Variants in HDAC9 observed in about 807,000 individuals in gnomAD.
The protein encoded by HDAC9 is MEF-2 interacting transcription repressor (MITR) protein.
In HDAC9, 41 loss-of-function variants were observed where a neutral mutation model predicts 139.4. The ratio of observed to expected loss-of-function variants is 0.29; its 90% CI spans 0.23 to 0.38. The LOEUF (loss-of-function observed/expected upper bound fraction) is 0.38. Ranked by LOEUF, HDAC9 falls within the 10% of genes least tolerant of loss-of-function variation. HDAC9 has a pLI of 1.00. For missense variants in HDAC9, 1,147 were observed against 1,297.0 expected (o/e 0.88, Z 1.78); for synonymous variants, 517 against 476.2 (o/e 1.09, Z -1.12).
intron 23 of HDAC9, among the ~76,000 whole-genome samples, chr7:18,951,212 G>A (rs377730306): frequency 5.9e-5 from 9 of 151,920 alleles, no homozygotes; most frequent in African/African-American, 1.9e-4. Context: ...CAATTTTATG[G>A]TGTTTTAAAA....
At chr7:18,460,391 A>C (rs1309007225) in intron 1 of HDAC9, among the ~76,000 whole-genome samples, 1 of 152,144 alleles carries the variant, frequency 6.6e-6, no homozygotes, top group African/African-American at 2.4e-5. Context: ...ATTATATAAA[A>C]TTTTGTAGAA....
At chr7:18,339,790 G>A (rs1316046411) in intron 1 of HDAC9, among the ~76,000 whole-genome samples, 4 of 151,444 alleles carry the variant, frequency 2.6e-5, no homozygotes, top group African/African-American at 7.3e-5. Context: ...TTCTTGAGAT[G>A]TGTTATTGCA....
At chr7:18,299,039 A>C (rs1798345664) in intron 1 of HDAC9, among the ~76,000 whole-genome samples, 1 of 152,170 alleles carries the variant, frequency 6.6e-6, no homozygotes, top group African/African-American at 2.4e-5. Flanking sequence ...CAAATGAATA[A>C]AGATATTTAT....
At position 18,409,308 on chromosome 7, in the gene HDAC9, C is replaced by A. The variant is rs1788322873; in HGVS notation, c.-41-86954C>A. On this transcript the variant is annotated intron_variant, in intron 1 of 3. Coordinates refer to the HDAC9 transcript ENST00000413509. The stretch of plus-strand genomic sequence containing the variant: ...GTAAGTTCCTGTGCTAGTAATATAT[C>A]ATAAAAGTGTGTATTTCATGTGCCT... Among the ~76,000 whole-genome samples the A allele has an allele frequency of 7.9e-5, 12 of 152,174 alleles. No homozygotes were observed. In the South Asian group the frequency reaches 2.5e-3, roughly 32 times the overall value.
intron 2 of HDAC9, among the ~76,000 whole-genome samples, chr7:18,572,313 A>T (rs78437404): frequency 0.029 from 4,315 of 150,732 alleles, 139 homozygotes; most frequent in African/African-American, 0.084. Context: ...TCATATTCAT[A>T]AATATGTCAT....
intron 24 of HDAC9, among the ~76,000 whole-genome samples, chr7:18,963,250 A>T (rs766160572): frequency 1.3e-5 from 2 of 152,216 alleles, no homozygotes; most frequent in African/African-American, 2.4e-5. Flanking sequence ...TCAGTGCTAT[A>T]ATGCACAAGA....
At chr7:18,821,618 G>A in intron 17 of HDAC9, among the ~76,000 whole-genome samples, 1 of 152,200 alleles carries the variant, frequency 6.6e-6, no homozygotes, top group East Asian at 1.9e-4. Context: ...CCATATGTAT[G>A]TGTTTTTTCC....
chr7:18,451,430 TG>T (rs1217565982), intron 1 of HDAC9, among the ~76,000 whole-genome samples: 1 of 139,228 alleles, frequency 7.2e-6, no homozygotes, highest in African/African-American at 3.0e-5. Context: ...TGTATATATA[TG>T]TGTGTGTGTG....
intron 16 of HDAC9, among the ~76,000 whole-genome samples, chr7:18,779,840 C>G (rs79707712): frequency 0.031 from 4,686 of 152,056 alleles, 77 homozygotes; most frequent in Middle Eastern, 0.041. Flanking sequence ...ACCCTGAGGT[C>G]TCCACCTGAC....
chr7:18,217,977 C>G (rs1792431632), intron 2 of HDAC9, among the ~76,000 whole-genome samples: 1 of 152,034 alleles, frequency 6.6e-6, no homozygotes, highest in Admixed American at 6.6e-5. Flanking sequence ...GCTGGAGGAC[C>G]CATTTCAAAA....
chr7:18,991,784 CAAAT>C (rs1271270411), intron 25 of HDAC9, among the ~76,000 whole-genome samples: 1 of 152,112 alleles, frequency 6.6e-6, no homozygotes, highest in Non-Finnish European at 1.5e-5. Flanking sequence ...GATTAGTTAT[CAAAT>C]AAATGCAAAT....
chr7:18,737,104 G>A (rs781233073), intron 13 of HDAC9, among the ~76,000 whole-genome samples: 15 of 151,816 alleles, frequency 9.9e-5, no homozygotes, highest in African/African-American at 2.7e-4. Flanking sequence ...TTTTTATTGC[G>A]TCTATTTGAT....
chr7:18,554,436 C>T (rs899458778), intron 2 of HDAC9, among the ~76,000 whole-genome samples: 4 of 150,268 alleles, frequency 2.7e-5, no homozygotes, highest in South Asian at 2.1e-4. Flanking sequence ...CCTGGGTTCA[C>T]GCCATTCTCC....
At chr7:18,164,316 TCTC>T (rs1382096814) in intron 2 of HDAC9, among the ~76,000 whole-genome samples, 1 of 152,168 alleles carries the variant, frequency 6.6e-6, no homozygotes, top group Non-Finnish European at 1.5e-5. Context: ...AAAAAAATTT[TCTC>T]CTGTTATTAG....
At position 18,394,223 on chromosome 7, in the gene HDAC9, C is replaced by T. The variant is rs574092420; in HGVS notation, c.-41-102039C>T. On this transcript the variant is annotated intron_variant, in intron 1 of 3. Coordinates refer to the HDAC9 transcript ENST00000413509. ...ATACCTTGTTTGTTAAAGGGACACTCAAAGGTTGGGGCTGTCTTAATCTTA... is the reference window on the plus strand; with the variant it reads ...ATACCTTGTTTGTTAAAGGGACACTTAAAGGTTGGGGCTGTCTTAATCTTA... 2.0e-5 allele frequency among the ~76,000 whole-genome samples: 3 copies of T among 152,196 alleles called. No individual in the cohort carries two copies. The South Asian group carries it at 6.2e-4, about 32-fold the overall frequency.
intron 2 of HDAC9, among the ~76,000 whole-genome samples, chr7:18,545,656 C>T (rs1814549774): frequency 1.3e-5 from 2 of 152,034 alleles, no homozygotes; most frequent in African/African-American, 2.4e-5. Flanking sequence ...CAAAACAGTG[C>T]CTGCTACAAG....
chr7:18,943,113 T>C (rs1782132310), intron 23 of HDAC9, among the ~76,000 whole-genome samples: 1 of 152,044 alleles, frequency 6.6e-6, no homozygotes, highest in Non-Finnish European at 1.5e-5. Context: ...GTAAACAAGA[T>C]TTTTGGCATT....
intron 1 of HDAC9, among the ~76,000 whole-genome samples, chr7:18,453,906 G>C (rs75674297): frequency 0.01 from 1,572 of 152,206 alleles, 27 homozygotes; most frequent in African/African-American, 0.036. Flanking sequence ...AAGGGACTCA[G>C]GAGCCTTGAA....
chr7:18,460,853 A>G (rs1260477516), intron 1 of HDAC9, among the ~76,000 whole-genome samples: 1 of 151,922 alleles, frequency 6.6e-6, no homozygotes, highest in African/African-American at 2.4e-5. Flanking sequence ...ATTTGAAGGG[A>G]AAGACTATGT....
Sources: allele counts gnomAD v4.1 joint callset (sites outside exome capture counted in the v4.1 genomes callset), GRCh38; gene constraint gnomAD v4.1.1; transcripts MANE v1.5; gene names NCBI Gene and HGNC (gene_info 2026-07-23, HGNC 2026-07-21).